DYM: variants seen among roughly 807,000 people sequenced by gnomAD.
DYM encodes the protein dyggve-Melchior-Clausen syndrome protein.
In DYM, 78 loss-of-function variants were observed where a neutral mutation model predicts 93.1. That is an observed-to-expected ratio of 0.84 (90% CI 0.70 to 1.01). The LOEUF is 1.01. Ranked by LOEUF, DYM falls within the 50% of genes least tolerant of loss-of-function variation. DYM has a pLI of 0.00. For synonymous variants in DYM, 321 were observed against 319.7 expected (o/e 1.00, Z -0.04); for missense variants, 789 against 845.0 (o/e 0.93, Z 0.82).
At chr18:49,230,551 G>A (rs2144396473) in intron 13 of DYM, among the ~76,000 whole-genome samples, 1 of 152,210 alleles carries the variant, frequency 6.6e-6, no homozygotes, top group African/African-American at 2.4e-5. Flanking sequence ...ACTGAAATGA[G>A]ATAAGTTCCT....
At chr18:49,295,521 C>T (rs946574134) in intron 8 of DYM, among the ~76,000 whole-genome samples, 1 of 152,132 alleles carries the variant, frequency 6.6e-6, no homozygotes, top group East Asian at 1.9e-4. Context: ...GTGTTGGGAG[C>T]CAAACCATGT....
At chr18:49,282,665 T>A (rs2145759243) in intron 9 of DYM, among the ~76,000 whole-genome samples, 1 of 152,266 alleles carries the variant, frequency 6.6e-6, no homozygotes. Flanking sequence ...AGTCATATAC[T>A]TTGACTTTGT....
chr18:49,203,198 C>T (rs146591879), intron 14 of DYM, among the ~76,000 whole-genome samples: 20,195 of 80,240 alleles, frequency 0.25, 2,817 homozygotes, highest in East Asian at 0.43. Flanking sequence ...GCCCCCCGCC[C>T]GGCCAGCCAC....
intron 17 of DYM, among the ~76,000 whole-genome samples, chr18:49,080,490 G>A (rs1272308118): frequency 1.3e-4 from 19 of 144,862 alleles, no homozygotes; most frequent in African/African-American, 4.4e-4. Flanking sequence ...CCTCCCGGAC[G>A]GGGCGGCTGG....
chr18:49,284,520 G>A (rs2095073962), intron 9 of DYM, among the ~76,000 whole-genome samples: 1 of 151,476 alleles, frequency 6.6e-6, no homozygotes, highest in Non-Finnish European at 1.5e-5. Flanking sequence ...TACCTGCTTT[G>A]TTGCAAAATC....
At chr18:49,388,500 C>T (rs573034086) in intron 3 of DYM, among the ~76,000 whole-genome samples, 5 of 151,838 alleles carry the variant, frequency 3.3e-5, no homozygotes, top group South Asian at 4.2e-4. Context: ...GTGTAACAAG[C>T]GTCCCAGGAG....
chr18:49,076,413 A>C (rs1048911896), intron 17 of DYM, among the ~76,000 whole-genome samples: 3 of 152,240 alleles, frequency 2.0e-5, no homozygotes, highest in African/African-American at 7.2e-5. Flanking sequence ...GTAATTCACA[A>C]CACCAATGTA....
chr18:49,145,114 T>A (rs1291723783), intron 15 of DYM, among the ~76,000 whole-genome samples: 1 of 88,428 alleles, frequency 1.1e-5, no homozygotes, highest in Non-Finnish European at 2.2e-5. Flanking sequence ...AATTCATATA[T>A]ATATATATAT....
At chr18:49,118,549 G>A in intron 16 of DYM, 195 bp downstream of exon 16, 1 of 578,500 alleles carries the variant, frequency 1.7e-6, no homozygotes. Context: ...GACTTCAATT[G>A]TATTAAATAT....
At chr18:49,089,206 A>G (rs540190358) in intron 17 of DYM, among the ~76,000 whole-genome samples, 1 of 152,170 alleles carries the variant, frequency 6.6e-6, no homozygotes, top group Non-Finnish European at 1.5e-5. Flanking sequence ...AAAAATACCT[A>G]CCAGAGCACC....
chr18:49,222,092 T>G (rs191914286), intron 13 of DYM, among the ~76,000 whole-genome samples: 1 of 151,566 alleles, frequency 6.6e-6, no homozygotes, highest in Non-Finnish European at 1.5e-5. Context: ...TAAGGACAAA[T>G]AGAAACACAC....
chr18:49,378,217 G>A (rs2067696438), intron 5 of DYM, among the ~76,000 whole-genome samples: 1 of 152,014 alleles, frequency 6.6e-6, no homozygotes, highest in Non-Finnish European at 1.5e-5. Flanking sequence ...ATATTGACTT[G>A]GCAATGATAT....
At chr18:49,290,351 T>G (rs547150199) in intron 8 of DYM, among the ~76,000 whole-genome samples, 87 of 151,586 alleles carry the variant, frequency 5.7e-4, no homozygotes, top group Non-Finnish European at 4.7e-4. Flanking sequence ...CATATATGTA[T>G]CCATATGTAC....
At chr18:49,279,043 T>C (rs1270104058) in intron 10 of DYM, among the ~76,000 whole-genome samples, 2 of 152,208 alleles carry the variant, frequency 1.3e-5, no homozygotes, top group African/African-American at 4.8e-5. Flanking sequence ...TCTTAATATT[T>C]AGGCACTTGG....
chr18:49,289,906 AAC>A (rs1466208294), intron 8 of DYM, among the ~76,000 whole-genome samples: 1 of 151,144 alleles, frequency 6.6e-6, no homozygotes, highest in Non-Finnish European at 1.5e-5. Flanking sequence ...ATGAGACTAG[AAC>A]ATTTTTAAAA....
intron 6 of DYM, among the ~76,000 whole-genome samples, chr18:49,358,843 C>T (rs1244634426): frequency 9.6e-6 from 1 of 104,288 alleles, no homozygotes; most frequent in Non-Finnish European, 2.6e-5. Flanking sequence ...AAAATGACAG[C>T]AACAAAAACA....
At chr18:49,202,373 C>T (rs1344929502) in intron 14 of DYM, among the ~76,000 whole-genome samples, 2 of 151,572 alleles carry the variant, frequency 1.3e-5, no homozygotes, top group African/African-American at 2.4e-5. Flanking sequence ...CCTGCCTTGG[C>T]CTCCCAAAGT....
intron 15 of DYM, among the ~76,000 whole-genome samples, chr18:49,125,246 G>C (rs2082706131): frequency 6.6e-6 from 1 of 152,184 alleles, no homozygotes; most frequent in African/African-American, 2.4e-5. Flanking sequence ...GTGACAGAGT[G>C]AGACTCTGTC....
chr18:49,129,091 C>T (rs927131170), intron 15 of DYM, among the ~76,000 whole-genome samples: 2 of 145,808 alleles, frequency 1.4e-5, no homozygotes, highest in Non-Finnish European at 3.0e-5. Context: ...AGTAAAGGGT[C>T]ACAAATAGGG....
Sources: allele counts gnomAD v4.1 joint callset (sites outside exome capture counted in the v4.1 genomes callset), GRCh38; gene constraint gnomAD v4.1.1; transcripts MANE v1.5; gene names NCBI Gene and HGNC (gene_info 2026-07-23, HGNC 2026-07-21).